GDF7: variants seen among roughly 807,000 people sequenced by gnomAD.
GDF7 encodes the protein growth/differentiation factor 7.
In GDF7, 12 loss-of-function variants were observed where a neutral mutation model predicts 13.4. The ratio of observed to expected loss-of-function variants is 0.90; its 90% CI spans 0.57 to 1.45. GDF7 has a LOEUF of 1.45. GDF7 is among the 40% of genes most tolerant of loss of function. GDF7 has a pLI of 0.00. For missense variants in GDF7, 651 were observed against 652.4 expected (o/e 1.00, Z 0.02); for synonymous variants, 330 against 306.4 (o/e 1.08, Z -0.80).
chr2:20,667,232 C>A lies in GDF7; in HGVS notation c.-8C>A, dbSNP rs1374553444. 1 of 1,188,122 alleles carries A rather than the reference C, an allele frequency of 8.4e-7. No homozygotes were observed. The highest frequency in any genetic ancestry group is 1.0e-6 in the Non-Finnish European group (1 of 959,658). 73.6% of individuals were successfully genotyped at this position (1,188,122 alleles called of 1,614,324 possible). A position where few individuals can be genotyped will look rare whatever the true frequency, so the allele number is the denominator to read the frequency against. On this transcript the variant is annotated 5_prime_UTR_variant, in exon 1 of 2. Transcript: ENST00000272224. The surrounding 1 kb of genome is among the most constrained non-coding windows in gnomAD (Gnocchi z 6.4). Reference sequence around the variant, plus strand: ...CCGCGCCGCCCGCCCGCCCGGCCCACGGAGCCCATGGACCTGAGCGCCGCC... The same window carrying A: ...CCGCGCCGCCCGCCCGCCCGGCCCAAGGAGCCCATGGACCTGAGCGCCGCC...
rs147389671 is a variant in GDF7, at chr2:20,670,582, C to T, written c.510C>T (p.Gly170=). 517 of 1,602,910 alleles carry T rather than the reference C, an allele frequency of 3.2e-4. 3 individuals carry two copies. The African/African-American group carries it at 6.5e-3, about 20-fold the overall frequency. Residue 170 remains glycine, a synonymous_variant, in exon 2 of 2, where the codon GGC becomes GGT. Coordinates refer to ENST00000272224, the MANE Select transcript of GDF7 (RefSeq NM_182828.4). ...RVLRRGSPES[G]PGSWTSPPLL... ...TGCGCCGGGGATCTCCAGAGTCGGG[C>T]CCAGGCAGCTGGACTTCTCCGCCGT...
At position 20,671,663 on chromosome 2, in the gene GDF7, G is replaced by T. The variant is rs1662130393; in HGVS notation, c.*238G>T. On this transcript the variant is annotated 3_prime_UTR_variant, in exon 2 of 2. Coordinates refer to ENST00000272224, the MANE Select transcript of GDF7 (RefSeq NM_182828.4). ...TGCCGGTACCGAATGTCAAAGCCCT[G>T]TGTATTTTGCAAACAGATAACCATG... 1.9e-6 allele frequency: 1 copy of T among 535,576 alleles called. No homozygotes were observed. The allele number at this position is 535,576 out of a possible 1,614,324, so 33.2% of individuals were successfully genotyped here. A position where few individuals can be genotyped will look rare whatever the true frequency, so the allele number is the denominator to read the frequency against.
chr2:20,667,575 C>T lies in GDF7; in HGVS notation c.336C>T (p.Ala112=). The T allele has an allele frequency of 6.6e-7, 1 of 1,510,434 alleles. No individual in the cohort carries two copies. Among genetic ancestry groups the T allele is most frequent in the Admixed American group, 2.1e-5 (1 of 48,478 alleles). 93.6% of individuals were successfully genotyped at this position (1,510,434 alleles called of 1,614,324 possible). A position where few individuals can be genotyped will look rare whatever the true frequency, so the allele number is the denominator to read the frequency against. The change falls in exon 1 of 2, where the codon GCC becomes GCT. Residue 112 remains alanine, a synonymous_variant. Coordinates refer to ENST00000272224, the MANE Select transcript of GDF7 (RefSeq NM_182828.4). This position sits in a 1 kb window ranked among gnomAD's most constrained non-coding sequence, Gnocchi z 6.4. Reference sequence around the variant, plus strand: ...CGGCCGGGGCAGCCGCTGTCTCCGCCTCGGGCCATGGTCGCGCGGACACGA... The same window carrying T: ...CGGCCGGGGCAGCCGCTGTCTCCGCTTCGGGCCATGGTCGCGCGGACACGA... ...RAPAGAAAVS[A]SGHGRADTIT... is the part of the protein sequence containing the mutation.
At position 20,667,752 on chromosome 2, in the gene GDF7, A is replaced by G. The variant is rs1553327197; in HGVS notation, c.391+122A>G. ...GCCCCATGCGGCCCACCCTCAGGTG[A>G]TAGAAAGAAACTTCGCCGAGGCCAA... On this transcript the variant is annotated intron_variant, in intron 1 of 1. Transcript: ENST00000272224. This position sits in a 1 kb window ranked among gnomAD's most constrained non-coding sequence, Gnocchi z 6.4. The G allele has an allele frequency of 1.4e-6, 1 of 703,756 alleles. No homozygotes were observed. The highest frequency in any genetic ancestry group is 2.0e-6 in the Non-Finnish European group (1 of 504,126). The allele number at this position is 703,756 out of a possible 1,614,324, so 43.6% of individuals were successfully genotyped here. A position where few individuals can be genotyped will look rare whatever the true frequency, so the allele number is the denominator to read the frequency against.
rs1455129751 is a variant in GDF7, at chr2:20,670,667, G to T, written c.595G>T (p.Ala199Ser). ...AGCGCCACGCCTGCTGTACTCGCGG[G>T]CAGCTGAGCCCCTAGTCGGTCAGCG... ...ARAPRLLYSR[A>S]AEPLVGQRWE... Residue 199 changes from alanine to serine, a missense_variant, in exon 2 of 2, where the codon GCA becomes TCA. This residue lies in a region of GDF7 where 487 missense variants were observed against 445.9 expected (regional missense o/e 1.09). Transcript: ENST00000272224. 1 of 1,528,916 alleles carries T rather than the reference G, an allele frequency of 6.5e-7. No individual in the cohort carries two copies. Among genetic ancestry groups the T allele is most frequent in the Admixed American group, 2.0e-5 (1 of 49,974 alleles). The allele number at this position is 1,528,916 out of a possible 1,614,324, so 94.7% of individuals were successfully genotyped here.
In GDF7 at chr2:20,671,279, A is replaced by T; in HGVS notation, c.1207A>T (p.Asn403Tyr). 1 of 1,613,890 alleles carries T rather than the reference A, an allele frequency of 6.2e-7. No individual in the cohort carries two copies. Among genetic ancestry groups the T allele is most frequent in the Middle Eastern group, 1.6e-4 (1 of 6,062 alleles). ...TNHAIIQTLL[N>Y]SMAPDAAPAS... ...CCATGCCATCATTCAGACGCTGCTCAACTCCATGGCACCAGACGCGGCGCC... is the reference window on the plus strand; with the variant it reads ...CCATGCCATCATTCAGACGCTGCTCTACTCCATGGCACCAGACGCGGCGCC... Residue 403 changes from asparagine to tyrosine, a missense_variant, in exon 2 of 2, where the codon AAC becomes TAC. Asn to Tyr is a moderately radical substitution (Grantham distance 143, BLOSUM62 -2). This residue lies in a region of GDF7 where 101 missense variants were observed against 139.2 expected (regional missense o/e 0.73). Transcript: ENST00000272224.
Position 20,667,642 on chromosome 2 carries a change from T to C in GDF7, c.391+12T>C. 7.0e-7 allele frequency: 1 copy of C among 1,433,244 alleles called. No homozygotes were observed. Among genetic ancestry groups the C allele is most frequent in the Non-Finnish European group, 9.1e-7 (1 of 1,096,060 alleles). The allele number at this position is 1,433,244 out of a possible 1,614,324, so 88.8% of individuals were successfully genotyped here. Reference sequence around the variant, plus strand: ...CCAGGCGACCCAAGGTACTTACGCCTCTTCTGTGCCCGCCCATCCCGTCAG... The same window carrying C: ...CCAGGCGACCCAAGGTACTTACGCCCCTTCTGTGCCCGCCCATCCCGTCAG... On this transcript the variant is annotated intron_variant, in intron 1 of 1. Transcript: ENST00000272224. The surrounding 1 kb of genome is among the most constrained non-coding windows in gnomAD (Gnocchi z 6.4).
chr2:20,671,454 C>A lies in GDF7; in HGVS notation c.*29C>A. 6.3e-7 allele frequency: 1 copy of A among 1,595,644 alleles called. No homozygotes were observed. The highest frequency in any genetic ancestry group is 1.7e-5 in the Admixed American group (1 of 58,694). The stretch of plus-strand genomic sequence containing the variant: ...GAGGGCCGGGGAGGGGGCAGCCACG[C>A]GGCCGAGGATCCCCAGCTGATGAGC... On this transcript the variant is annotated 3_prime_UTR_variant, in exon 2 of 2. Coordinates refer to ENST00000272224, the MANE Select transcript of GDF7 (RefSeq NM_182828.4).
At position 20,674,414 on chromosome 2, in the gene GDF7, A is replaced by T. The variant is rs1193386837; in HGVS notation, c.*2989A>T. On this transcript the variant is annotated 3_prime_UTR_variant, in exon 2 of 2. Coordinates refer to ENST00000272224, the MANE Select transcript of GDF7 (RefSeq NM_182828.4). ...GAACCAGGATTTCCTGCTAGTGAGT[A>T]GGATTTGGCATCCCTACTTAGGGAG... 6.6e-6 allele frequency: 1 copy of T among 152,256 alleles called. No individual in the cohort carries two copies. Among genetic ancestry groups the T allele is most frequent in the African/African-American group, 2.4e-5 (1 of 41,462 alleles). 9.4% of individuals were successfully genotyped at this position (152,256 alleles called of 1,614,324 possible). A position where few individuals can be genotyped will look rare whatever the true frequency, so the allele number is the denominator to read the frequency against.
In GDF7 at chr2:20,676,472, T is replaced by G; in HGVS notation, c.*5047T>G. ...GCACAGCTTAGTGCGTCACAAATAG[T>G]AACTGAGTGAGGCTGTTGTGAAAGA... On this transcript the variant is annotated 3_prime_UTR_variant, in exon 2 of 2. Coordinates refer to ENST00000272224, the MANE Select transcript of GDF7 (RefSeq NM_182828.4). 6.6e-6 allele frequency: 1 copy of G among 152,378 alleles called. No individual in the cohort carries two copies. Among genetic ancestry groups the G allele is most frequent in the East Asian group, 1.9e-4 (1 of 5,192 alleles). The allele number at this position is 152,378 out of a possible 1,614,324, so 9.4% of individuals were successfully genotyped here.
Position 20,667,653 on chromosome 2 carries a change from C to G in GDF7, c.391+23C>G. 1 of 1,391,974 alleles carries G rather than the reference C, an allele frequency of 7.2e-7. No homozygotes were observed. Among genetic ancestry groups the G allele is most frequent in the Non-Finnish European group, 9.3e-7 (1 of 1,075,200 alleles). The allele number at this position is 1,391,974 out of a possible 1,614,324, so 86.2% of individuals were successfully genotyped here. A position where few individuals can be genotyped will look rare whatever the true frequency, so the allele number is the denominator to read the frequency against. ...AAGGTACTTACGCCTCTTCTGTGCC[C>G]GCCCATCCCGTCAGGTCCTGGGCTG... is the stretch of plus-strand genomic sequence containing the variant. On this transcript the variant is annotated intron_variant, in intron 1 of 1. Coordinates refer to ENST00000272224, the MANE Select transcript of GDF7 (RefSeq NM_182828.4). This position sits in a 1 kb window ranked among gnomAD's most constrained non-coding sequence, Gnocchi z 6.4.
chr2:20,672,503 C>T lies in GDF7; in HGVS notation c.*1078C>T, dbSNP rs1362487826. ...TTGCCGGCCAGGTAGGCGGAAGCTC[C>T]CGGGGCCGACTCGGGCTTGTGCTAG... On this transcript the variant is annotated 3_prime_UTR_variant, in exon 2 of 2. Transcript: ENST00000272224. 1 of 152,276 alleles carries T rather than the reference C, an allele frequency of 6.6e-6. No individual in the cohort carries two copies. The highest frequency in any genetic ancestry group is 1.5e-5 in the Non-Finnish European group (1 of 68,066). 9.4% of individuals were successfully genotyped at this position (152,276 alleles called of 1,614,324 possible).
rs1444118549 is a variant in GDF7, at chr2:20,672,933, T to A, written c.*1508T>A. 1.3e-5 allele frequency: 2 copies of A among 152,322 alleles called. No individual in the cohort carries two copies. The highest frequency in any genetic ancestry group is 3.9e-4 in the East Asian group (2 of 5,184). The allele number at this position is 152,322 out of a possible 1,614,324, so 9.4% of individuals were successfully genotyped here. ...CAATAGGCTGGGAGAGGGAACCTAG[T>A]TGGACTCCAGCTGTCCGGGGTGGGG... On this transcript the variant is annotated 3_prime_UTR_variant, in exon 2 of 2. Coordinates refer to ENST00000272224, the MANE Select transcript of GDF7 (RefSeq NM_182828.4).
chr2:20,669,816 G>A (rs892835429), intron 1 of GDF7, among the ~76,000 whole-genome samples: 24 of 152,364 alleles, frequency 1.6e-4, no homozygotes, highest in African/African-American at 5.8e-4. Context: ...GGACTAGAAG[G>A]TCTCTGCGGC....
chr2:20,668,844 A>G (rs752922412), intron 1 of GDF7, among the ~76,000 whole-genome samples: 87 of 152,196 alleles, frequency 5.7e-4, no homozygotes, highest in Admixed American at 5.1e-3. Flanking sequence ...ACGGCCTGAC[A>G]TGGCCCCTGG....
rs1406485076 is a variant in GDF7 at position 20,671,575 on chromosome 2, ACT to A, written c.*152_*153del. 2 of 734,558 alleles carry A rather than the reference ACT, an allele frequency of 2.7e-6. No individual in the cohort carries two copies. Among genetic ancestry groups the A allele is most frequent in the Non-Finnish European group, 4.4e-6 (2 of 454,850 alleles). The allele number at this position is 734,558 out of a possible 1,614,324, so 45.5% of individuals were successfully genotyped here. On this transcript the variant is annotated 3_prime_UTR_variant, in exon 2 of 2. Transcript: ENST00000272224. ...AGAGCACACGTTCACACTCACACAC[ACT>A]CGTGCAGTCACGCACACATTTACCG...
In GDF7 at chr2:20,675,774, C is replaced by T. The variant is rs10194607; in HGVS notation, c.*4349C>T. On this transcript the variant is annotated 3_prime_UTR_variant, in exon 2 of 2. Transcript: ENST00000272224. The stretch of plus-strand genomic sequence containing the variant: ...ACCGGTTTCGCAGCTCTTGCCTGTG[C>T]ATGTGCATGTGTGTGCGTGTGTCCA... 37,313 of 152,382 alleles carry T rather than the reference C, an allele frequency of 0.24. 5,059 individuals are homozygous for T. The highest frequency in any genetic ancestry group is 0.3 in the Non-Finnish European group (20,458 of 68,178). 9.4% of individuals were successfully genotyped at this position (152,382 alleles called of 1,614,324 possible). A position where few individuals can be genotyped will look rare whatever the true frequency, so the allele number is the denominator to read the frequency against.
Position 20,672,115 on chromosome 2 carries a change from C to CAA in GDF7, c.*690_*691insAA, listed in dbSNP as rs1662136948. ...CAAAGGTCGGTACCGCCACCCCCCC[C>CAA]CCCCCCCCCGCCTTTTTTTTTTTTT... On this transcript the variant is annotated 3_prime_UTR_variant, in exon 2 of 2. Transcript: ENST00000272224. The CAA allele has an allele frequency of 5.9e-5, 8 of 135,398 alleles. No individual in the cohort carries two copies. Among genetic ancestry groups the CAA allele is most frequent in the African/African-American group, 1.8e-4 (6 of 33,894 alleles). 8.4% of individuals were successfully genotyped at this position (135,398 alleles called of 1,614,324 possible).
At position 20,670,774 on chromosome 2, in the gene GDF7, G is replaced by A. The variant is rs535757784; in HGVS notation, c.702G>A (p.Leu234=). The change falls in exon 2 of 2, where the codon CTG becomes CTA. Residue 234 remains leucine, a synonymous_variant. Transcript: ENST00000272224. ...PRPPRAFCLL[L]RAVAGPVPSP... The stretch of plus-strand genomic sequence containing the variant: ...CCCCCCGCGCGTTCTGCCTCTTGCT[G>A]CGCGCAGTGGCAGGCCCGGTGCCGA... 3,850 of 1,492,100 alleles carry A rather than the reference G, an allele frequency of 2.6e-3. 9 individuals are homozygous for A. Among genetic ancestry groups the A allele is most frequent in the Non-Finnish European group, 2.5e-3 (2,828 of 1,127,130 alleles). 92.4% of individuals were successfully genotyped at this position (1,492,100 alleles called of 1,614,324 possible).
Sources: gnomAD v4.1 joint callset for allele counts (sites outside exome capture counted in the v4.1 genomes callset) on GRCh38, gnomAD v4.1.1 for gene constraint, gnomAD v4.1.1 regional missense constraint, Gnocchi (gnomAD v3.1) non-coding constraint, MANE v1.5 for transcripts, NCBI Gene and HGNC (gene_info 2026-07-23, HGNC 2026-07-21) for gene names.